Variants in IRAG1 observed in about 807,000 individuals in gnomAD.
IRAG1 encodes IP3R-associated cGMP kinase substrate.
In IRAG1, 62 loss-of-function variants were observed where a neutral mutation model predicts 106.2. The ratio of observed to expected loss-of-function variants is 0.58; its 90% CI spans 0.48 to 0.72. IRAG1 has a LOEUF of 0.72. IRAG1 is among the 30% of genes least tolerant of loss of function. The pLI is 0.00. For missense variants in IRAG1, 1,064 were observed against 1,140.7 expected (o/e 0.93, Z 0.97); for synonymous variants, 462 against 443.9 (o/e 1.04, Z -0.51).
intron 1 of IRAG1, among the ~76,000 whole-genome samples, chr11:10,662,474 T>C (rs1464711252): frequency 6.6e-6 from 1 of 152,242 alleles, no homozygotes; most frequent in Admixed American, 6.5e-5. Context: ...GACACCTTCA[T>C]GCTTCTGTTC....
At chr11:10,610,622 G>C (rs1854870687) in intron 10 of IRAG1, among the ~76,000 whole-genome samples, 1 of 152,126 alleles carries the variant, frequency 6.6e-6, no homozygotes, top group Non-Finnish European at 1.5e-5. Context: ...ATGGTCTCTA[G>C]ATACCATCCC....
chr11:10,653,548 G>C (rs193110968), intron 1 of IRAG1, among the ~76,000 whole-genome samples: 2 of 152,184 alleles, frequency 1.3e-5, no homozygotes, highest in East Asian at 1.9e-4. Flanking sequence ...GGAAAGGCAG[G>C]ATAGCAATGT....
intron 11 of IRAG1, among the ~76,000 whole-genome samples, chr11:10,607,673 A>G (rs1317306395): frequency 6.6e-6 from 1 of 152,116 alleles, no homozygotes; most frequent in Non-Finnish European, 1.5e-5. Flanking sequence ...TGCCATCAAT[A>G]AGCTTCTCAG....
intron 1 of IRAG1, among the ~76,000 whole-genome samples, chr11:10,653,720 A>G (rs1445583743): frequency 6.6e-6 from 1 of 152,136 alleles, no homozygotes; most frequent in Non-Finnish European, 1.5e-5. Context: ...AGGATGAAAC[A>G]CACTCAGTTC....
chr11:10,623,412 G>A (rs1224391802), intron 10 of IRAG1, among the ~76,000 whole-genome samples: 1 of 152,202 alleles, frequency 6.6e-6, no homozygotes, highest in Non-Finnish European at 1.5e-5. Flanking sequence ...GGACTTTGTG[G>A]TGACAGCAGA....
In IRAG1 at chr11:10,628,753, G is replaced by C; in HGVS notation, c.650C>G (p.Pro217Arg). The change falls in exon 6 of 21, where the codon CCA (proline) becomes CGA (arginine). Residue 217 changes from proline to arginine, a missense_variant and splice_region_variant. Transcript: ENST00000423302. This position sits in a 1 kb window ranked among gnomAD's most constrained non-coding sequence, Gnocchi z 4.1. Reference protein sequence around the residue: ...RSNSLTVPTPPGLDVCSGPPS... With the variant: ...RSNSLTVPTPRGLDVCSGPPS... ...GTCCCCGGGCAGCTGGGCCTCACCTGGCGGGGTGGGGACTGTAAGTGAGTT... is the reference window on the plus strand; with the variant it reads ...GTCCCCGGGCAGCTGGGCCTCACCTCGCGGGGTGGGGACTGTAAGTGAGTT... 1 of 1,535,584 alleles carries C rather than the reference G, an allele frequency of 6.5e-7. No homozygotes were observed. Among genetic ancestry groups the C allele is most frequent in the Non-Finnish European group, 8.7e-7 (1 of 1,147,676 alleles).
At chr11:10,583,096 C>T (rs1851562133) in intron 18 of IRAG1, among the ~76,000 whole-genome samples, 1 of 152,182 alleles carries the variant, frequency 6.6e-6, no homozygotes, top group Non-Finnish European at 1.5e-5. Flanking sequence ...TTTGCAATGC[C>T]TGTGAGGTAT....
At chr11:10,688,806 A>G (rs146912966) in intron 1 of IRAG1, among the ~76,000 whole-genome samples, 3 of 152,220 alleles carry the variant, frequency 2.0e-5, no homozygotes, top group East Asian at 3.9e-4. Flanking sequence ...GCCTTTATTT[A>G]CTTAATATTC....
intron 13 of IRAG1, among the ~76,000 whole-genome samples, 193 bp from the exon 14 acceptor site, chr11:10,603,444 A>G (rs974512261): frequency 1.3e-5 from 2 of 152,070 alleles, no homozygotes; most frequent in Admixed American, 1.3e-4. Context: ...TACAACCTAG[A>G]TCCTTCGCAT....
At chr11:10,690,443 C>T in intron 1 of IRAG1, 11 of 1,272,696 alleles carry the variant, frequency 8.6e-6, no homozygotes, top group Non-Finnish European at 1.1e-5. Flanking sequence ...AAAGCCCTTG[C>T]AGAGAAGGCA....
At chr11:10,680,745 C>T (rs1861191190) in intron 1 of IRAG1, among the ~76,000 whole-genome samples, 1 of 152,106 alleles carries the variant, frequency 6.6e-6, no homozygotes, top group South Asian at 2.1e-4. Flanking sequence ...AGTTTCCTCA[C>T]TTGTAAAACA....
chr11:10,686,699 G>T (rs902810510), intron 1 of IRAG1, among the ~76,000 whole-genome samples: 6 of 152,176 alleles, frequency 3.9e-5, no homozygotes, highest in African/African-American at 1.4e-4. Flanking sequence ...GAGATGGAAA[G>T]AGATGGGGCT....
intron 10 of IRAG1, among the ~76,000 whole-genome samples, chr11:10,621,516 C>A (rs1164556361): frequency 6.6e-6 from 1 of 152,200 alleles, no homozygotes; most frequent in African/African-American, 2.4e-5. Flanking sequence ...TCAACCAGAG[C>A]AGCCCCATTT....
At chr11:10,633,294 C>G (rs1856877634) in intron 3 of IRAG1, among the ~76,000 whole-genome samples, 3 of 152,236 alleles carry the variant, frequency 2.0e-5, no homozygotes, top group East Asian at 3.9e-4. Flanking sequence ...CCAGGATGGT[C>G]TCGATCTCCT....
chr11:10,608,577 G>A (rs1321437848), intron 11 of IRAG1, among the ~76,000 whole-genome samples: 3 of 152,158 alleles, frequency 2.0e-5, no homozygotes, highest in Non-Finnish European at 2.9e-5. Flanking sequence ...TAGGTACCCG[G>A]GGGCAGAGCT....
chr11:10,661,670 C>T (rs1589938212), intron 1 of IRAG1, among the ~76,000 whole-genome samples: 1 of 152,288 alleles, frequency 6.6e-6, no homozygotes, highest in East Asian at 1.9e-4. Flanking sequence ...ATCTCTGCTT[C>T]CCCCTTCACA....
intron 20 of IRAG1, among the ~76,000 whole-genome samples, chr11:10,579,561 T>C (rs1851179952): frequency 6.6e-6 from 1 of 152,142 alleles, no homozygotes; most frequent in Non-Finnish European, 1.5e-5. Context: ...ATATATGAAA[T>C]TGGGCTGTCC....
At chr11:10,642,055 A>C (rs1447367735) in intron 2 of IRAG1, among the ~76,000 whole-genome samples, 2 of 152,122 alleles carry the variant, frequency 1.3e-5, no homozygotes, top group Non-Finnish European at 2.9e-5. Flanking sequence ...GAAGCCCTCA[A>C]ACCAGCACAA....
chr11:10,579,164 C>T (rs533483720), intron 20 of IRAG1, among the ~76,000 whole-genome samples: 1 of 152,214 alleles, frequency 6.6e-6, no homozygotes, highest in Non-Finnish European at 1.5e-5. Flanking sequence ...TTCTCCAGTT[C>T]TCCTAACGGC....
Sources: gnomAD v4.1 joint callset for allele counts (sites outside exome capture counted in the v4.1 genomes callset) on GRCh38, gnomAD v4.1.1 for gene constraint, Gnocchi (gnomAD v3.1) non-coding constraint, MANE v1.5 for transcripts, NCBI Gene and HGNC (gene_info 2026-07-23, HGNC 2026-07-21) for gene names.